Variants in STPG2 observed in about 807,000 individuals in gnomAD.
STPG2 encodes sperm-tail PG-rich repeat-containing protein 2.
A neutral mutation model predicts 54.2 loss-of-function variants in STPG2; 56 were observed. The ratio of observed to expected loss-of-function variants is 1.03; its 90% CI spans 0.83 to 1.29. The LOEUF (loss-of-function observed/expected upper bound fraction) is 1.29. Among genes scored for constraint, STPG2 ranks in the 50% most tolerant of loss-of-function variants. The probability of loss-of-function intolerance (pLI) is 0.00; values close to 1 mark genes in which losing one functional copy is unlikely to be tolerated. For synonymous variants in STPG2, 200 were observed against 181.8 expected, an observed-to-expected ratio of 1.10 and a Z score of -0.81; for missense variants, 596 against 544.9, an observed-to-expected ratio of 1.09 and a Z score of -0.93.
chr4:97,562,103 C>G (rs529141615), intron 10 of STPG2, among the ~76,000 whole-genome samples: 80 of 152,194 alleles, frequency 5.3e-4, no homozygotes, highest in African/African-American at 1.9e-3. Context: ...TGTTTGTATC[C>G]TCTTTTATTT....
intron 5 of STPG2, among the ~76,000 whole-genome samples, chr4:98,066,482 G>C (rs751712687): frequency 6.6e-6 from 1 of 152,082 alleles, no homozygotes; most frequent in South Asian, 2.1e-4. Flanking sequence ...CAAGCTACTC[G>C]GGAGGCTAAG....
intron 8 of STPG2, among the ~76,000 whole-genome samples, chr4:97,898,331 A>G (rs896955344): frequency 6.6e-6 from 1 of 151,136 alleles, no homozygotes; most frequent in Non-Finnish European, 1.5e-5. Flanking sequence ...TGTTACTCTT[A>G]TAAATTTTAA....
intron 5 of STPG2, among the ~76,000 whole-genome samples, chr4:98,011,782 C>T (rs191999343): frequency 1.4e-3 from 218 of 152,074 alleles, no homozygotes; most frequent in African/African-American, 3.8e-3. Flanking sequence ...CTGTTCATAC[C>T]CTTTGCCCAC....
rs201166171 is a variant in STPG2, at chr4:97,972,268, T to C, written c.933+12A>G. ...CAACATAAAGAATATTATTTTTGTA[T>C]GAATGTATTACCTGATAATCAGCAG... On this transcript the variant is annotated intron_variant, in intron 7 of 10. Coordinates refer to ENST00000295268, the MANE Select transcript of STPG2 (RefSeq NM_174952.3). The C allele has an allele frequency of 2.3e-5, 35 of 1,509,988 alleles. No individual in the cohort carries two copies. The highest frequency in any genetic ancestry group is 3.0e-5 in the Non-Finnish European group (34 of 1,121,200). 93.5% of individuals were successfully genotyped at this position (1,509,988 alleles called of 1,614,324 possible). A position where few individuals can be genotyped will look rare whatever the true frequency, so the allele number is the denominator to read the frequency against.
chr4:97,880,947 G>A (rs1483984110), intron 8 of STPG2, among the ~76,000 whole-genome samples: 1 of 151,880 alleles, frequency 6.6e-6, no homozygotes, highest in African/African-American at 2.4e-5. Context: ...TTCTCAAACT[G>A]TTCTCCTATA....
chr4:98,017,539 T>C (rs945076051), intron 5 of STPG2, among the ~76,000 whole-genome samples: 9 of 152,228 alleles, frequency 5.9e-5, no homozygotes, highest in Non-Finnish European at 1.3e-4. Flanking sequence ...ATGCCAGTAA[T>C]GTGAAACTGT....
chr4:97,937,528 A>G (rs926481423), intron 8 of STPG2, among the ~76,000 whole-genome samples: 1 of 152,078 alleles, frequency 6.6e-6, no homozygotes, highest in Non-Finnish European at 1.5e-5. Flanking sequence ...TCTAGTGTCA[A>G]TCTTTCAGGC....
At chr4:97,648,528 ACTCT>A (rs1172433322) in intron 10 of STPG2, among the ~76,000 whole-genome samples, 1 of 152,084 alleles carries the variant, frequency 6.6e-6, no homozygotes, top group East Asian at 1.9e-4. Context: ...TATGCTGAAC[ACTCT>A]CTCAGCAACA....
At chr4:97,573,863 T>C (rs1193869590) in intron 10 of STPG2, among the ~76,000 whole-genome samples, 2 of 152,018 alleles carry the variant, frequency 1.3e-5, no homozygotes, top group African/African-American at 4.8e-5. Flanking sequence ...GTGGTTAAGT[T>C]AAATATTAAA....
intron 5 of STPG2, among the ~76,000 whole-genome samples, chr4:97,999,045 T>C (rs1000937210): frequency 5.3e-5 from 8 of 152,206 alleles, no homozygotes; most frequent in African/African-American, 1.4e-4. Context: ...GATTTAAGCA[T>C]TGTCATTTTG....
At chr4:97,630,853 A>G (rs1219831744) in intron 10 of STPG2, among the ~76,000 whole-genome samples, 1 of 151,888 alleles carries the variant, frequency 6.6e-6, no homozygotes, top group Non-Finnish European at 1.5e-5. Flanking sequence ...TGATTCAGAA[A>G]TGCAATTTCT....
chr4:97,723,600 A>T (rs1215579554), intron 9 of STPG2, among the ~76,000 whole-genome samples: 2 of 152,166 alleles, frequency 1.3e-5, no homozygotes. Flanking sequence ...GTAAGGATCT[A>T]ATCTTATTTT....
chr4:97,982,160 A>G (rs1317858980), intron 5 of STPG2, among the ~76,000 whole-genome samples: 1 of 152,112 alleles, frequency 6.6e-6, no homozygotes, highest in Non-Finnish European at 1.5e-5. Flanking sequence ...CTGGGATTAC[A>G]GATGTGAGCT....
chr4:98,013,300 C>G (rs896855065), intron 5 of STPG2, among the ~76,000 whole-genome samples: 2 of 152,146 alleles, frequency 1.3e-5, no homozygotes, highest in African/African-American at 4.8e-5. Flanking sequence ...AGGGATGGAA[C>G]CTACTTGTGG....
intron 9 of STPG2, among the ~76,000 whole-genome samples, chr4:97,767,148 T>C (rs1188947852): frequency 6.6e-6 from 1 of 152,150 alleles, no homozygotes; most frequent in African/African-American, 2.4e-5. Context: ...AACTCAGTTG[T>C]TGATAATTTG....
At chr4:97,442,347 A>G (rs1447797380) in intron 4 of STPG2, among the ~76,000 whole-genome samples, 2 of 152,046 alleles carry the variant, frequency 1.3e-5, no homozygotes, top group Non-Finnish European at 2.9e-5. Flanking sequence ...CTATTTGAAC[A>G]TGTTAACTCA....
intron 4 of STPG2, among the ~76,000 whole-genome samples, chr4:97,505,563 A>G (rs1224154788): frequency 1.3e-5 from 2 of 151,978 alleles, no homozygotes; most frequent in East Asian, 1.9e-4. Context: ...TAAGTTCTCA[A>G]TGGCATTGTT....
chr4:97,841,800 AT>A (rs746689240), intron 8 of STPG2, among the ~76,000 whole-genome samples: 57 of 151,772 alleles, frequency 3.8e-4, no homozygotes, highest in Non-Finnish European at 8.1e-4. Flanking sequence ...GAGTTTTTGC[AT>A]GTGAAAAGTG....
chr4:97,530,641 A>G (rs1372162823), intron 4 of STPG2, among the ~76,000 whole-genome samples: 1 of 152,226 alleles, frequency 6.6e-6, no homozygotes, highest in Non-Finnish European at 1.5e-5. Flanking sequence ...AAATTTTCAC[A>G]ACTATCTGCA....
Sources: allele counts gnomAD v4.1 joint callset (sites outside exome capture counted in the v4.1 genomes callset), GRCh38; gene constraint gnomAD v4.1.1; transcripts MANE v1.5; gene names NCBI Gene and HGNC (gene_info 2026-07-23, HGNC 2026-07-21).